Variants in BICRA observed in about 807,000 individuals in gnomAD.
BICRA encodes BRD4-interacting chromatin-remodeling complex-associated protein.
A neutral mutation model predicts 96.9 loss-of-function variants in BICRA; 31 were observed. That is an observed-to-expected ratio of 0.32 (90% CI 0.24 to 0.43). The LOEUF (loss-of-function observed/expected upper bound fraction) is 0.43, where lower values mean the gene tolerates loss of function less well. Ranked by LOEUF, BICRA falls within the 20% of genes least tolerant of loss-of-function variation. The pLI is 1.00. For missense variants in BICRA, 2,283 were observed against 2,190.3 expected (o/e 1.04, Z -0.84); for synonymous variants, 1,350 against 1,071.8 (o/e 1.26, Z -5.07).
At chr19:47,634,080 C>G (rs559554385) in intron 1 of BICRA, among the ~76,000 whole-genome samples, 7 of 152,200 alleles carry the variant, frequency 4.6e-5, no homozygotes, top group Non-Finnish European at 7.3e-5. Context: ...CTGCACACAC[C>G]GTTTGGCATC....
intron 1 of BICRA, among the ~76,000 whole-genome samples, chr19:47,637,957 A>G (rs1261642512): frequency 1.3e-5 from 2 of 152,102 alleles, no homozygotes; most frequent in African/African-American, 2.4e-5. Flanking sequence ...CATTGGGTCC[A>G]TTCCCCTTTG....
intron 1 of BICRA, among the ~76,000 whole-genome samples, chr19:47,658,596 C>T (rs922584986): frequency 2.7e-5 from 4 of 145,754 alleles, no homozygotes; most frequent in Non-Finnish European, 4.4e-5. Context: ...CATGCCACTG[C>T]GCTCCAGCCT....
intron 1 of BICRA, among the ~76,000 whole-genome samples, chr19:47,640,895 A>ATTTTTTTT (rs35232398): frequency 3.2e-5 from 3 of 95,226 alleles, no homozygotes; most frequent in Non-Finnish European, 3.9e-5. Context: ...TCAGAGTCAG[A>ATTTTTTTT]TTTTTTTTTT....
chr19:47,624,723 C>T (rs962633242), intron 1 of BICRA, among the ~76,000 whole-genome samples: 2 of 151,370 alleles, frequency 1.3e-5, no homozygotes, highest in Non-Finnish European at 2.9e-5. Context: ...AAGATAGGGT[C>T]TCATTCTGTC....
At chr19:47,697,898 G>A (rs1004585984) in intron 11 of BICRA, among the ~76,000 whole-genome samples, 2 of 152,142 alleles carry the variant, frequency 1.3e-5, no homozygotes, top group Non-Finnish European at 2.9e-5. Flanking sequence ...GTAGAGACAG[G>A]GTCTTGCTGT....
At chr19:47,668,487 CTTTT>C (rs35737042) in intron 1 of BICRA, among the ~76,000 whole-genome samples, 3 of 125,940 alleles carry the variant, frequency 2.4e-5, no homozygotes, top group African/African-American at 6.3e-5. Context: ...CTTTGTGAGT[CTTTT>C]TTTTTTTTTT....
intron 4 of BICRA, 109 bp downstream of exon 4, chr19:47,673,871 G>A: frequency 1.0e-6 from 1 of 967,776 alleles, no homozygotes; most frequent in Non-Finnish European, 1.7e-6. Context: ...CTGCCTTGTG[G>A]CTTCTAACGC....
chr19:47,609,330 ACT>A (rs1219529628), intron 1 of BICRA, among the ~76,000 whole-genome samples, 162 bp downstream of exon 1: 2 of 126,752 alleles, frequency 1.6e-5, no homozygotes, highest in Admixed American at 7.7e-5. Context: ...CCCCCGCGAC[ACT>A]CTCACACTCA....
chr19:47,673,583 T>G lies in BICRA; in HGVS notation c.9T>G (p.Asp3Glu). 1 of 1,613,030 alleles carries G rather than the reference T, an allele frequency of 6.2e-7. No individual in the cohort carries two copies. Among genetic ancestry groups the G allele is most frequent in the East Asian group, 2.2e-5 (1 of 44,856 alleles). ...CACCCCATCCAGTGGCGATGGATGA[T>G]GAGGATGGGAGATGCTTACTAGACG... Reference protein sequence around the residue: MDDEDGRCLLDVI... With the variant: MDEEDGRCLLDVI... Residue 3 changes from aspartate (D) to glutamate (E), a missense_variant, in exon 3 of 15, where the codon GAT becomes GAG. Coordinates refer to ENST00000594866, the MANE Select transcript of BICRA (RefSeq NM_001394372.1).
chr19:47,696,420 A>G (rs1258252992), intron 10 of BICRA, 31 bp from the exon 11 acceptor site: 1 of 1,566,492 alleles, frequency 6.4e-7, no homozygotes, highest in South Asian at 1.2e-5. Context: ...TTCTGGAGGC[A>G]AAGGCCTCTC....
chr19:47,618,237 C>A (rs1224699665), intron 1 of BICRA, among the ~76,000 whole-genome samples: 1 of 152,126 alleles, frequency 6.6e-6, no homozygotes, highest in Middle Eastern at 3.4e-3. Flanking sequence ...GGATGGACCC[C>A]TAGGATGACC....
intron 1 of BICRA, among the ~76,000 whole-genome samples, chr19:47,610,974 T>C (rs151319734): frequency 3.3e-5 from 5 of 152,292 alleles, no homozygotes; most frequent in Admixed American, 2.6e-4. Context: ...TAGGGAGCTT[T>C]ATTCCGCTGC....
rs1268933407 is a variant in BICRA, at chr19:47,701,500, C to T, written c.3768C>T (p.Ser1256=). ...TCCGGCACGGCGGGGCAGGCGGCTCCCCTTCGGTCACCTGGGCCCGGGCGT... is the reference window on the plus strand; with the variant it reads ...TCCGGCACGGCGGGGCAGGCGGCTCTCCTTCGGTCACCTGGGCCCGGGCGT... ...LVIRHGGAGG[S]PSVTWARASS... is the part of the protein sequence containing the mutation. Residue 1256 remains serine, a synonymous_variant, in exon 15 of 15, where the codon TCC becomes TCT. Transcript: ENST00000594866. The surrounding 1 kb of genome is among the most constrained non-coding windows in gnomAD (Gnocchi z 5.4). The T allele has an allele frequency of 1.9e-6, 3 of 1,548,552 alleles. No individual in the cohort carries two copies. Among genetic ancestry groups the T allele is most frequent in the African/African-American group, 2.7e-5 (2 of 72,976 alleles).
intron 11 of BICRA, among the ~76,000 whole-genome samples, chr19:47,697,092 C>T (rs1302546013): frequency 2.0e-5 from 3 of 151,624 alleles, no homozygotes; most frequent in South Asian, 2.1e-4. Flanking sequence ...CTGCAACCTC[C>T]GCCTCCCCCG....
At chr19:47,610,197 T>A (rs1971880583) in intron 1 of BICRA, among the ~76,000 whole-genome samples, 1 of 151,892 alleles carries the variant, frequency 6.6e-6, no homozygotes, top group Admixed American at 6.6e-5. Flanking sequence ...GAGGGAGGGA[T>A]GGAGGAGGAG....
intron 1 of BICRA, among the ~76,000 whole-genome samples, chr19:47,664,908 C>T (rs1972753854): frequency 6.6e-6 from 1 of 151,592 alleles, no homozygotes; most frequent in African/African-American, 2.4e-5. Flanking sequence ...GGAGCAGGCC[C>T]ACTGGGTGGG....
chr19:47,630,159 C>CGT (rs1972200380), intron 1 of BICRA, among the ~76,000 whole-genome samples: 1 of 103,450 alleles, frequency 9.7e-6, no homozygotes, highest in South Asian at 3.4e-4. Context: ...TTGGCCAATT[C>CGT]TTTTTTTTTT....
Position 47,681,281 on chromosome 19 carries a change from GCAGGGCGGGGCAAGGGAGCAGGTAC to G in BICRA, c.2106+7_2106+31del. On this transcript the variant is annotated splice_donor_region_variant and intron_variant, in intron 6 of 14. Coordinates refer to ENST00000594866, the MANE Select transcript of BICRA (RefSeq NM_001394372.1). The stretch of plus-strand genomic sequence containing the variant: ...CTGCAGATGTTCCTGCCCCAGGTAA[GCAGGGCGGGGCAAGGGAGCAGGTAC>G]CGGAGGAGGCGGGTTTGGGAGGAAG... 3 of 1,542,722 alleles carry G rather than the reference GCAGGGCGGGGCAAGGGAGCAGGTAC, an allele frequency of 1.9e-6. No homozygotes were observed. The highest frequency in any genetic ancestry group is 2.6e-6 in the Non-Finnish European group (3 of 1,149,776).
At chr19:47,690,813 T>TGCGC (rs780718883) in intron 7 of BICRA, among the ~76,000 whole-genome samples, 1 of 147,918 alleles carries the variant, frequency 6.8e-6, no homozygotes, top group African/African-American at 2.5e-5. Flanking sequence ...TGTGTGTGTG[T>TGCGC]GCGCACTTTT....
Sources: allele counts gnomAD v4.1 joint callset (sites outside exome capture counted in the v4.1 genomes callset), GRCh38; gene constraint gnomAD v4.1.1; non-coding constraint Gnocchi (gnomAD v3.1); transcripts MANE v1.5; gene names NCBI Gene and HGNC (gene_info 2026-07-23, HGNC 2026-07-21).